Variants in ZNRF3 observed in about 807,000 individuals in gnomAD.
ZNRF3 encodes the protein zinc and ring finger 3.
In ZNRF3, 23 loss-of-function variants were observed where a neutral mutation model predicts 72.5. The observed-to-expected ratio is 0.32, with a 90% confidence interval of 0.23 to 0.45. The LOEUF is 0.45. ZNRF3 is among the 20% of genes least tolerant of loss of function. The pLI, the probability that ZNRF3 is intolerant of heterozygous loss-of-function variation, is 1.00. For missense variants in ZNRF3, 1,169 were observed against 1,272.1 expected (o/e 0.92, Z 1.23); for synonymous variants, 610 against 545.3 (o/e 1.12, Z -1.65).
chr22:28,906,419 G>A (rs959720346), intron 1 of ZNRF3, among the ~76,000 whole-genome samples: 1 of 152,192 alleles, frequency 6.6e-6, no homozygotes, highest in African/African-American at 2.4e-5. Context: ...GGGGCATAGT[G>A]GTGGAGAGTA....
chr22:28,969,862 A>G (rs1375167920), intron 1 of ZNRF3, among the ~76,000 whole-genome samples: 1 of 152,156 alleles, frequency 6.6e-6, no homozygotes, highest in Non-Finnish European at 1.5e-5. Flanking sequence ...GGCTTGGTAC[A>G]GGGTGGAAGC....
chr22:29,000,332 A>G (rs944678980), intron 2 of ZNRF3, among the ~76,000 whole-genome samples: 2 of 152,220 alleles, frequency 1.3e-5, no homozygotes, highest in African/African-American at 4.8e-5. Flanking sequence ...GGTTTTCACA[A>G]ATGTATCAAT....
intron 1 of ZNRF3, among the ~76,000 whole-genome samples, chr22:28,931,213 G>A (rs897014941): frequency 6.6e-6 from 1 of 152,142 alleles, no homozygotes; most frequent in Non-Finnish European, 1.5e-5. Context: ...TCGTCAGCAG[G>A]TTGACTAAAA....
intron 1 of ZNRF3, among the ~76,000 whole-genome samples, chr22:28,977,082 G>A (rs1366805449): frequency 6.6e-6 from 1 of 152,178 alleles, no homozygotes; most frequent in African/African-American, 2.4e-5. Flanking sequence ...TGTGCATTTG[G>A]TACAGAGGAA....
rs529821485 is a variant in ZNRF3, at chr22:29,001,869, T to A, written c.426+14668T>A. On this transcript the variant is annotated intron_variant, in intron 2 of 8. Coordinates refer to ENST00000544604, the MANE Select transcript of ZNRF3 (RefSeq NM_001206998.2). Reference sequence around the variant, plus strand: ...TAAGAAACCATTGGAAGGCACATTCTGTCACTGAGATTTGCCAGTTGTCCT... The same window carrying A: ...TAAGAAACCATTGGAAGGCACATTCAGTCACTGAGATTTGCCAGTTGTCCT... 2.6e-5 allele frequency among the ~76,000 whole-genome samples: 4 copies of A among 152,376 alleles called. No homozygotes were observed. The South Asian group carries it at 8.3e-4, about 32-fold the overall frequency.
At chr22:28,890,764 C>CTT (rs1441332271) in intron 1 of ZNRF3, among the ~76,000 whole-genome samples, 12 of 148,126 alleles carry the variant, frequency 8.1e-5, no homozygotes, top group African/African-American at 2.8e-4. Context: ...CTCTCTCTCT[C>CTT]TCTTTTTTTT....
At chr22:28,999,620 G>C (rs1221586513) in intron 2 of ZNRF3, among the ~76,000 whole-genome samples, 2 of 152,178 alleles carry the variant, frequency 1.3e-5, no homozygotes, top group South Asian at 4.1e-4. Flanking sequence ...CTCAAATAGA[G>C]AGGCCTCATA....
chr22:28,975,610 G>A (rs1296836324), intron 1 of ZNRF3, among the ~76,000 whole-genome samples: 3 of 151,738 alleles, frequency 2.0e-5, no homozygotes, highest in Admixed American at 6.6e-5. Flanking sequence ...GGTGGCGGGC[G>A]CCTGTAATCC....
rs1601664501 is a variant in ZNRF3, at chr22:29,013,782, T to C, written c.426+26581T>C. ...AGAACCAGATTCTATCACAGATTTT[T>C]AGATTACTTGTATAGGCCATAAAAG... On this transcript the variant is annotated intron_variant, in intron 2 of 8. Transcript: ENST00000544604. 2.0e-5 allele frequency among the ~76,000 whole-genome samples: 3 copies of C among 152,348 alleles called. No individual in the cohort carries two copies. In the South Asian group the frequency reaches 6.2e-4, roughly 32 times the overall value.
chr22:28,927,820 GTCTA>G (rs2034631770), intron 1 of ZNRF3, among the ~76,000 whole-genome samples: 1 of 152,188 alleles, frequency 6.6e-6, no homozygotes, highest in Admixed American at 6.5e-5. Context: ...GTGTATGTGT[GTCTA>G]TATGTGTGCA....
At chr22:28,897,431 C>T (rs542476210) in intron 1 of ZNRF3, among the ~76,000 whole-genome samples, 2 of 152,346 alleles carry the variant, frequency 1.3e-5, no homozygotes, top group Admixed American at 1.3e-4. Context: ...AGCAGCCCTC[C>T]TGCCTTAGCC....
At chr22:29,039,340 C>T (rs1016176679) in intron 2 of ZNRF3, among the ~76,000 whole-genome samples, 4 of 152,170 alleles carry the variant, frequency 2.6e-5, no homozygotes, top group African/African-American at 9.7e-5. Flanking sequence ...GGCCATTAGA[C>T]TCTCCAGGTG....
chr22:28,974,204 G>T (rs946820331), intron 1 of ZNRF3, among the ~76,000 whole-genome samples: 1 of 151,960 alleles, frequency 6.6e-6, no homozygotes, highest in African/African-American at 2.4e-5. Flanking sequence ...CTCGTGATCC[G>T]CCTGCCTCGG....
intron 1 of ZNRF3, among the ~76,000 whole-genome samples, chr22:28,949,586 A>T (rs1225128366): frequency 6.6e-6 from 1 of 152,194 alleles, no homozygotes; most frequent in Non-Finnish European, 1.5e-5. Context: ...CCAAAAATTC[A>T]CATTTGTTCC....
intron 1 of ZNRF3, among the ~76,000 whole-genome samples, chr22:28,984,131 TAAA>T (rs147413364): frequency 1.3e-5 from 2 of 150,334 alleles, no homozygotes; most frequent in African/African-American, 4.9e-5. Context: ...TTTTTTTTTT[TAAA>T]AAAAACCTTT....
intron 1 of ZNRF3, among the ~76,000 whole-genome samples, chr22:28,949,086 T>G (rs2035107157): frequency 6.6e-6 from 1 of 150,794 alleles, no homozygotes; most frequent in Non-Finnish European, 1.5e-5. Context: ...TTCAATCAAT[T>G]CTCTTGCCTC....
intron 2 of ZNRF3, among the ~76,000 whole-genome samples, chr22:29,005,927 G>A (rs1454064782): frequency 2.0e-5 from 3 of 151,896 alleles, no homozygotes; most frequent in African/African-American, 4.8e-5. Flanking sequence ...CTCAGCTATC[G>A]GGAGGCTGAG....
intron 1 of ZNRF3, among the ~76,000 whole-genome samples, chr22:28,931,359 A>G (rs71327329): frequency 0.098 from 14,976 of 152,136 alleles, 957 homozygotes; most frequent in South Asian, 0.19. Context: ...AGCAGATCCA[A>G]TTGCTCTTTG....
chr22:28,898,926 G>GTTTTT (rs34713478), intron 1 of ZNRF3, among the ~76,000 whole-genome samples: 6 of 114,066 alleles, frequency 5.3e-5, no homozygotes, highest in African/African-American at 9.6e-5. Context: ...ACATGCTGAG[G>GTTTTT]TTTTTTTTTT....
Sources: gnomAD v4.1 joint callset for allele counts (sites outside exome capture counted in the v4.1 genomes callset) on GRCh38, gnomAD v4.1.1 for gene constraint, MANE v1.5 for transcripts, NCBI Gene and HGNC (gene_info 2026-07-23, HGNC 2026-07-21) for gene names.